The following PLAC1 variants were observed in gnomAD, a reference collection of about 807,000 sequenced individuals.
PLAC1 encodes placenta associated 1.
For synonymous variants in PLAC1, 68 were observed against 62.1 expected, an observed-to-expected ratio of 1.09 and a Z score of -0.44; for missense variants, 136 against 163.2, an observed-to-expected ratio of 0.83 and a Z score of 0.91.
intron 2 of PLAC1, among the ~76,000 whole-genome samples, chrX:134,591,250 CAT>C (rs2078038051): frequency 8.9e-6 from 1 of 112,263 alleles, no homozygotes; most frequent in Admixed American, 9.4e-5. Flanking sequence ...TACACATACA[CAT>C]GTGTGAATAT....
At chrX:134,724,914 A>G (rs1192926752) in intron 2 of PLAC1, among the ~76,000 whole-genome samples, 1 of 110,108 alleles carries the variant, frequency 9.1e-6, no homozygotes, top group East Asian at 2.9e-4. Context: ...AGGTGGGAGG[A>G]TCGCTGGAGC....
chrX:134,661,114 G>T (rs2147805578), upstream of PLAC1, among the ~76,000 whole-genome samples: 1 of 110,911 alleles, frequency 9.0e-6, no homozygotes, highest in South Asian at 3.9e-4. Context: ...CCATCACCTG[G>T]AAGGAAGGGT....
intron 1 of PLAC1, among the ~76,000 whole-genome samples, chrX:134,620,492 G>A (rs1170323168): frequency 8.9e-6 from 1 of 112,273 alleles, no homozygotes; most frequent in African/African-American, 3.2e-5. Context: ...GTAAGTCATA[G>A]ATCCTATGTG....
intron 1 of PLAC1, among the ~76,000 whole-genome samples, chrX:134,610,529 C>A (rs748633730): frequency 9.0e-6 from 1 of 111,669 alleles, no homozygotes; most frequent in African/African-American, 3.2e-5. Flanking sequence ...CGTGGAGGGT[C>A]ACTCTGGCTG....
chrX:134,644,442 T>C (rs1175552852), intron 1 of PLAC1, among the ~76,000 whole-genome samples: 1 of 111,375 alleles, frequency 9.0e-6, no homozygotes, highest in Admixed American at 9.5e-5. Context: ...CTTTCTTTTT[T>C]AAAATTTAAT....
intron 2 of PLAC1, among the ~76,000 whole-genome samples, chrX:134,575,719 A>G (rs2077935018): frequency 9.6e-6 from 1 of 104,324 alleles, no homozygotes; most frequent in Admixed American, 1.1e-4. Context: ...CAGTGAGCTG[A>G]GATGGCGCCA....
chrX:134,637,032 A>G (rs757179664), intron 1 of PLAC1, among the ~76,000 whole-genome samples: 12 of 112,607 alleles, frequency 1.1e-4, no homozygotes, highest in Non-Finnish European at 1.9e-4. Flanking sequence ...GCCAACCCAA[A>G]TGAAAGCAGT....
chrX:134,716,965 G>A (rs1461657101), intron 2 of PLAC1, among the ~76,000 whole-genome samples: 1 of 112,060 alleles, frequency 8.9e-6, no homozygotes, highest in African/African-American at 3.2e-5. Flanking sequence ...CACTTACCCA[G>A]TGCCTCACCC....
chrX:134,568,769 G>C (rs893156752), intron 2 of PLAC1, among the ~76,000 whole-genome samples: 3 of 111,516 alleles, frequency 2.7e-5, no homozygotes, highest in Admixed American at 1.9e-4. Flanking sequence ...ATGTGAGCTG[G>C]TCCTGGATGA....
At chrX:134,708,602 C>A (rs761794788) in intron 2 of PLAC1, among the ~76,000 whole-genome samples, 1 of 101,483 alleles carries the variant, frequency 9.9e-6, no homozygotes, top group East Asian at 3.1e-4. Flanking sequence ...CAATATGGCA[C>A]AATCTCGGCT....
chrX:134,659,223 A>T (rs1416405327), upstream of PLAC1, among the ~76,000 whole-genome samples: 2 of 111,723 alleles, frequency 1.8e-5, no homozygotes, highest in African/African-American at 6.5e-5. Context: ...TAAAAAAAAA[A>T]GAAAGAATTT....
intron 1 of PLAC1, among the ~76,000 whole-genome samples, chrX:134,736,015 C>T (rs1325500409): frequency 9.2e-6 from 1 of 108,452 alleles, no homozygotes; most frequent in Admixed American, 9.8e-5. Context: ...CGGTGGCTCA[C>T]GCCTGTAATT....
chrX:134,667,746 C>A (rs997355499), intron 2 of PLAC1, among the ~76,000 whole-genome samples: 1 of 109,699 alleles, frequency 9.1e-6, no homozygotes, highest in African/African-American at 3.3e-5. Flanking sequence ...TGCAGGGAGA[C>A]CCCCATCTCT....
At chrX:134,750,553 C>G (rs999399101) in intron 1 of PLAC1, among the ~76,000 whole-genome samples, 3 of 107,943 alleles carry the variant, frequency 2.8e-5, no homozygotes, top group Non-Finnish European at 5.7e-5. Flanking sequence ...GCCTCCTACT[C>G]TGCTCTAGAA....
chrX:134,656,232 C>A (rs2078390902), intron 1 of PLAC1, among the ~76,000 whole-genome samples: 1 of 112,301 alleles, frequency 8.9e-6, no homozygotes, highest in Non-Finnish European at 1.9e-5. Flanking sequence ...GCCTTCAACA[C>A]CAGACAGAGA....
At chrX:134,608,089 T>C (rs2078131850) in intron 1 of PLAC1, among the ~76,000 whole-genome samples, 1 of 112,427 alleles carries the variant, frequency 8.9e-6, no homozygotes, top group African/African-American at 3.2e-5. Flanking sequence ...GTTGAGTTTT[T>C]CTTTACAACA....
Position 134,649,494 on chromosome X carries a change from T to C in PLAC1, c.-131+8834A>G, listed in dbSNP as rs138199922. On this transcript the variant is annotated intron_variant, in intron 1 of 2. Transcript: ENST00000359237. Reference sequence around the variant, plus strand: ...GGCCATGGTGGGAGCATTTACACCATGGAAATCAGCAAACACTATAAACCA... The same window carrying C: ...GGCCATGGTGGGAGCATTTACACCACGGAAATCAGCAAACACTATAAACCA... Among the ~76,000 whole-genome samples, 917 of 110,454 alleles carry C rather than the reference T, an allele frequency of 8.3e-3. 15 individuals carry two copies. The highest frequency in any genetic ancestry group is 0.029 in the African/African-American group (882 of 30,301).
chrX:134,613,824 C>A (rs779085908), intron 1 of PLAC1, among the ~76,000 whole-genome samples: 2 of 110,869 alleles, frequency 1.8e-5, no homozygotes, highest in South Asian at 7.9e-4. Flanking sequence ...CAGCTGGACT[C>A]TCCCAACTCC....
intron 2 of PLAC1, among the ~76,000 whole-genome samples, chrX:134,670,430 C>T (rs1392443904): frequency 1.8e-5 from 2 of 111,518 alleles, no homozygotes; most frequent in Non-Finnish European, 3.8e-5. Context: ...ATGCCATTTC[C>T]AGGAATAATT....
Sources: allele counts gnomAD v4.1 joint callset (sites outside exome capture counted in the v4.1 genomes callset), GRCh38; gene constraint gnomAD v4.1.1; transcripts MANE v1.5; gene names NCBI Gene and HGNC (gene_info 2026-07-23, HGNC 2026-07-21).